POU6F2: variants seen among roughly 807,000 people sequenced by gnomAD.
POU6F2 encodes the protein POU domain, class 6, transcription factor 2.
POU6F2 carries 31 observed loss-of-function variants against 71.3 expected under a neutral mutation model. That is an observed-to-expected ratio of 0.43 (90% CI 0.33 to 0.59). The LOEUF is 0.59. Among genes scored for constraint, POU6F2 ranks in the 20% least tolerant of loss-of-function variants. POU6F2 has a pLI of 0.04. For synonymous variants in POU6F2, 347 were observed against 355.7 expected (o/e 0.98, Z 0.27); for missense variants, 783 against 856.8 (o/e 0.91, Z 1.07).
chr7:38,985,636 G>C (rs1481072193), intron 1 of POU6F2, among the ~76,000 whole-genome samples: 1 of 152,124 alleles, frequency 6.6e-6, no homozygotes, highest in African/African-American at 2.4e-5. Flanking sequence ...TGTGATATAA[G>C]AATGCCAAGT....
At chr7:39,336,719 C>T (rs1245482913) in intron 4 of POU6F2, among the ~76,000 whole-genome samples, 2 of 152,164 alleles carry the variant, frequency 1.3e-5, no homozygotes, top group Admixed American at 6.5e-5. Flanking sequence ...TCCTAATAGG[C>T]TTTCACACCC....
At chr7:39,252,497 A>G (rs779566063) in intron 4 of POU6F2, among the ~76,000 whole-genome samples, 26 of 151,992 alleles carry the variant, frequency 1.7e-4, no homozygotes, top group Non-Finnish European at 3.5e-4. Flanking sequence ...AACAGCTTGA[A>G]ATAGAGACAT....
chr7:39,083,792 A>G (rs1363083671), intron 1 of POU6F2: 1 of 152,194 alleles, frequency 6.6e-6, no homozygotes, highest in Non-Finnish European at 1.5e-5. Context: ...TTCTTTTCTA[A>G]AGAGTTCAAG....
intron 2 of POU6F2, among the ~76,000 whole-genome samples, chr7:39,173,028 C>A (rs1396685065): frequency 4.6e-5 from 7 of 151,948 alleles, no homozygotes; most frequent in Admixed American, 4.6e-4. Flanking sequence ...GTTCTAGTAG[C>A]CATATGTAAA....
intron 2 of POU6F2, among the ~76,000 whole-genome samples, chr7:39,087,203 C>T: frequency 6.7e-6 from 1 of 148,888 alleles, no homozygotes; most frequent in African/African-American, 2.5e-5. Context: ...TTTATTTTAA[C>T]CGACAGAAAG....
At chr7:38,997,313 A>C (rs1224443143) in intron 1 of POU6F2, among the ~76,000 whole-genome samples, 1 of 152,094 alleles carries the variant, frequency 6.6e-6, no homozygotes, top group Non-Finnish European at 1.5e-5. Flanking sequence ...TTCAGACTCT[A>C]CACTCTAGTC....
intron 1 of POU6F2, among the ~76,000 whole-genome samples, chr7:39,020,502 A>G (rs1789659556): frequency 6.6e-6 from 1 of 152,144 alleles, no homozygotes; most frequent in Admixed American, 6.6e-5. Flanking sequence ...TGAGATGGTC[A>G]TTGCATTGCA....
chr7:39,012,143 C>T (rs1293679337), intron 1 of POU6F2, among the ~76,000 whole-genome samples: 1 of 151,016 alleles, frequency 6.6e-6, no homozygotes, highest in East Asian at 1.9e-4. Context: ...CCATTCTCCC[C>T]ATCACTTTCA....
intron 1 of POU6F2, among the ~76,000 whole-genome samples, chr7:39,050,571 G>A (rs184886960): frequency 2.0e-5 from 3 of 152,188 alleles, no homozygotes; most frequent in Admixed American, 1.3e-4. Flanking sequence ...CTTCTGGTTG[G>A]CCCATTAGGG....
chr7:39,459,534 G>C (rs1788894923), intron 8 of POU6F2, among the ~76,000 whole-genome samples: 1 of 152,116 alleles, frequency 6.6e-6, no homozygotes, highest in African/African-American at 2.4e-5. Context: ...CAGCCCAGAA[G>C]AGTAATATAG....
At chr7:39,193,219 G>A (rs1047071978) in intron 2 of POU6F2, among the ~76,000 whole-genome samples, 5 of 151,956 alleles carry the variant, frequency 3.3e-5, no homozygotes, top group African/African-American at 1.2e-4. Flanking sequence ...AGACGATTGC[G>A]GGGGGTGCTT....
chr7:39,193,870 T>G (rs1462676140), intron 2 of POU6F2, among the ~76,000 whole-genome samples: 1 of 152,198 alleles, frequency 6.6e-6, no homozygotes, highest in African/African-American at 2.4e-5. Flanking sequence ...TTTAGACAGT[T>G]TATACAGTTT....
chr7:39,239,475 G>A (rs1783673799), intron 4 of POU6F2, among the ~76,000 whole-genome samples: 1 of 152,070 alleles, frequency 6.6e-6, no homozygotes, highest in South Asian at 2.1e-4. Flanking sequence ...ATATTAATGT[G>A]CTTCATTGTG....
At chr7:39,079,180 C>CTTTTTT (rs1162865518) in intron 1 of POU6F2, among the ~76,000 whole-genome samples, 4 of 79,304 alleles carry the variant, frequency 5.0e-5, no homozygotes, top group East Asian at 3.6e-4. Flanking sequence ...CTCACAATAT[C>CTTTTTT]TTTTTTTTTT....
intron 2 of POU6F2, among the ~76,000 whole-genome samples, chr7:39,162,623 C>T (rs1793020045): frequency 1.3e-5 from 2 of 152,100 alleles, no homozygotes; most frequent in South Asian, 4.1e-4. Context: ...AAGTGTGTTC[C>T]TTGGTGGTCC....
At chr7:39,137,033 A>G (rs974967981) in intron 2 of POU6F2, among the ~76,000 whole-genome samples, 2 of 142,766 alleles carry the variant, frequency 1.4e-5, no homozygotes, top group Non-Finnish European at 3.0e-5. Context: ...AAAAAAAAAA[A>G]GAGTGGAGAT....
At chr7:39,128,241 T>C (rs561956233) in intron 2 of POU6F2, among the ~76,000 whole-genome samples, 10 of 152,340 alleles carry the variant, frequency 6.6e-5, no homozygotes, top group Admixed American at 2.0e-4. Context: ...CATACTTTTA[T>C]ATTTTAAAAA....
intron 1 of POU6F2, 52 bp from the exon 2 acceptor site, chr7:39,085,808 C>G (rs1791228211): frequency 1.3e-6 from 2 of 1,588,508 alleles, no homozygotes; most frequent in Non-Finnish European, 1.7e-6. Flanking sequence ...GACACGCACT[C>G]TAAATCTGCC....
chr7:39,330,715 A>G (rs1198281081), intron 4 of POU6F2, among the ~76,000 whole-genome samples: 1 of 152,234 alleles, frequency 6.6e-6, no homozygotes. Context: ...TTTAATTGAC[A>G]TTGAAATTGT....
Sources: allele counts gnomAD v4.1 joint callset (sites outside exome capture counted in the v4.1 genomes callset), GRCh38; gene constraint gnomAD v4.1.1; transcripts MANE v1.5; gene names NCBI Gene and HGNC (gene_info 2026-07-23, HGNC 2026-07-21).